DNAH10: variants seen among roughly 807,000 people sequenced by gnomAD.
The protein encoded by DNAH10 is axonemal beta dynein heavy chain 10.
A neutral mutation model predicts 506.6 loss-of-function variants in DNAH10; 348 were observed. The observed-to-expected ratio is 0.69, with a 90% CI of 0.63 to 0.75. The LOEUF (loss-of-function observed/expected upper bound fraction) is 0.75, where lower values mean the gene tolerates loss of function less well. Among genes scored for constraint, DNAH10 ranks in the 30% least tolerant of loss-of-function variants. The probability of loss-of-function intolerance (pLI) is 0.00; values close to 1 mark genes in which losing one functional copy is unlikely to be tolerated. For synonymous variants in DNAH10, 2,059 were observed against 2,198.6 expected (o/e 0.94, Z 1.78); for missense variants, 5,179 against 5,787.1 (o/e 0.89, Z 3.41).
At chr12:123,881,842 G>T in intron 51 of DNAH10, 29 bp downstream of exon 51, 2 of 1,444,088 alleles carry the variant, frequency 1.4e-6, no homozygotes, top group Admixed American at 3.2e-5. Context: ...CCAGAAATAG[G>T]TTTACGATGC....
chr12:123,778,695 CA>C (rs1232497421), intron 5 of DNAH10, among the ~76,000 whole-genome samples: 8 of 136,630 alleles, frequency 5.9e-5, no homozygotes, highest in East Asian at 4.2e-4. Context: ...GACTCCATCT[CA>C]AAAAAAAAAG....
Position 123,785,757 on chromosome 12 carries a change from CG to C in DNAH10, c.1245del (p.Ser416LeufsTer13). On this transcript the variant is annotated frameshift_variant, in exon 9 of 79. Coordinates refer to ENST00000673944, the MANE Select transcript of DNAH10 (RefSeq NM_001372106.1). LOFTEE classifies it high-confidence loss of function. The surrounding 1 kb of genome is among the most constrained non-coding windows in gnomAD (Gnocchi z 4.1). The stretch of plus-strand genomic sequence containing the variant: ...CCTCTCTTGGTCAGAACATAACGCA[CG>C]GGTCTGGCTTCCACGTGGTCCTGGA... Reference protein sequence around the residue: ...VERYFKNITHGSGFHVVLDTI... With the variant: ...VERYFKNITHXSGFHVVLDTI... The C allele has an allele frequency of 6.2e-7, 1 of 1,610,302 alleles. No individual in the cohort carries two copies. Among genetic ancestry groups the C allele is most frequent in the South Asian group, 1.1e-5 (1 of 90,828 alleles).
rs1959124469 is a variant in DNAH10 at position 123,815,784 on chromosome 12, A to G, written c.3780+1872A>G. Among the ~76,000 whole-genome samples, 4 of 152,240 alleles carry G rather than the reference A, an allele frequency of 2.6e-5. No homozygotes were observed. The South Asian group carries it at 8.3e-4, about 31-fold the overall frequency. ...ATGGAATGTACTTATACAAATCTAGATGATATAGCTACTACACACCTAGGC... is the reference window on the plus strand; with the variant it reads ...ATGGAATGTACTTATACAAATCTAGGTGATATAGCTACTACACACCTAGGC... On this transcript the variant is annotated intron_variant, in intron 21 of 78. Coordinates refer to ENST00000673944, the MANE Select transcript of DNAH10 (RefSeq NM_001372106.1).
intron 32 of DNAH10, among the ~76,000 whole-genome samples, chr12:123,847,210 C>A (rs1245714031): frequency 6.7e-6 from 1 of 148,500 alleles, no homozygotes; most frequent in Non-Finnish European, 1.5e-5. Context: ...ATCCATCCAT[C>A]CATCCTATTA....
At chr12:123,921,714 T>G (rs1223467352) in intron 65 of DNAH10, among the ~76,000 whole-genome samples, 5 of 127,536 alleles carry the variant, frequency 3.9e-5, no homozygotes, top group South Asian at 3.0e-4. Flanking sequence ...TTTTTTTTTT[T>G]TTTTTTTTTT....
At position 123,799,382 on chromosome 12, in the gene DNAH10, C is replaced by T. The variant is rs202077899; in HGVS notation, c.2289+11C>T. The T allele has an allele frequency of 1.1e-4, 177 of 1,607,264 alleles. No individual in the cohort carries two copies. The highest frequency in any genetic ancestry group is 1.7e-4 in the Middle Eastern group (1 of 5,980). ...AGCCTTTTGACCAAGGTGCGCTGCC[C>T]ACGCCCTCATTCCCGATTGCCGCGT... On this transcript the variant is annotated intron_variant, in intron 14 of 78. Transcript: ENST00000673944.
intron 52 of DNAH10, among the ~76,000 whole-genome samples, chr12:123,891,581 G>C (rs1280760909): frequency 6.6e-6 from 1 of 151,490 alleles, no homozygotes. Context: ...GGCGGAGCAC[G>C]GGGAGCGAGA....
rs762055217 is a variant in DNAH10, at chr12:123,803,728, T to G, written c.2682T>G (p.Ile894Met). The part of the protein sequence containing the change: ...IGKFESLVHQ[I>M]HKNADDISSR... Reference sequence around the variant, plus strand: ...AATTTGAGTCTCTCGTCCACCAGATTCATAAGAATGCAGATGACATTTCTT... The same window carrying G: ...AATTTGAGTCTCTCGTCCACCAGATGCATAAGAATGCAGATGACATTTCTT... The change falls in exon 17 of 79, where the codon ATT becomes ATG. Residue 894 changes from isoleucine to methionine, a missense_variant. Around this residue, in one of 3 missense-constraint regions of DNAH10, gnomAD observed 4,844 missense variants for 5,430.5 expected, o/e 0.89. Transcript: ENST00000673944. The G allele has an allele frequency of 6.2e-7, 1 of 1,612,074 alleles. No homozygotes were observed. The highest frequency in any genetic ancestry group is 1.1e-5 in the South Asian group (1 of 90,676).
chr12:123,894,391 G>T (rs553567229), intron 53 of DNAH10, among the ~76,000 whole-genome samples: 1 of 152,106 alleles, frequency 6.6e-6, no homozygotes, highest in Non-Finnish European at 1.5e-5. Flanking sequence ...TGAGTAGCTG[G>T]GATTACAGGT....
At position 123,931,709 on chromosome 12, in the gene DNAH10, C is replaced by T. The variant is rs1285693543; in HGVS notation, c.12990C>T (p.Pro4330=). 1.2e-6 allele frequency: 2 copies of T among 1,614,066 alleles called. No homozygotes were observed. The highest frequency in any genetic ancestry group is 1.7e-6 in the Non-Finnish European group (2 of 1,179,906). ...QVAKEIENKM[P]KVFDLDQVRK... ...CCAAAGAAATAGAAAACAAGATGCC[C>T]AAAGTCTTTGACTTGGACCAGGTGA... The change falls in exon 75 of 79, where the codon CCC becomes CCT. Residue 4330 remains proline, a synonymous_variant. Transcript: ENST00000673944.
rs531473539 is a variant in DNAH10 at position 123,875,134 on chromosome 12, G to A, written c.7939-97G>A. ...AAACCGAGGTGCCCTGGAGAGTAAC[G>A]GGAAAAATGAGCTTGAGCTGGGATG... On this transcript the variant is annotated intron_variant, in intron 46 of 78. Transcript: ENST00000673944. 39 of 1,410,942 alleles carry A rather than the reference G, an allele frequency of 2.8e-5. No individual in the cohort carries two copies. In the South Asian group the frequency reaches 3.0e-4, roughly 11 times the overall value. 87.4% of individuals were successfully genotyped at this position (1,410,942 alleles called of 1,614,324 possible).
intron 50 of DNAH10, among the ~76,000 whole-genome samples, chr12:123,880,026 C>T (rs1366709528): frequency 6.6e-6 from 1 of 152,242 alleles, no homozygotes; most frequent in Non-Finnish European, 1.5e-5. Flanking sequence ...ATTTGCTGCG[C>T]TGGGCCCATG....
chr12:123,796,668 A>G lies in DNAH10; in HGVS notation c.1999A>G (p.Asn667Asp), dbSNP rs763895126. 3 of 1,606,534 alleles carry G rather than the reference A, an allele frequency of 1.9e-6. No homozygotes were observed. Among genetic ancestry groups the G allele is most frequent in the Admixed American group, 1.7e-5 (1 of 58,602 alleles). The stretch of plus-strand genomic sequence containing the variant: ...GATTGCTTTTCAGATTGACATCATT[A>G]ATAAAATCTTTGTCCAGAACCTTGA... ...AQYCKEIDII[N>D]KIFVQNLENP... Residue 667 changes from asparagine to aspartate, a missense_variant, in exon 13 of 79, where the codon AAT (asparagine) becomes GAT (aspartate). By Grantham distance (23) the Asn-to-Asp change is conservative. Coordinates refer to ENST00000673944, the MANE Select transcript of DNAH10 (RefSeq NM_001372106.1).
intron 52 of DNAH10, among the ~76,000 whole-genome samples, chr12:123,891,779 G>A (rs184008074): frequency 3.3e-4 from 50 of 152,276 alleles, no homozygotes; most frequent in Non-Finnish European, 5.0e-4. Context: ...GCAGGACTCA[G>A]CATGTGGTCC....
intron 39 of DNAH10, among the ~76,000 whole-genome samples, chr12:123,862,236 A>T (rs1254741213): frequency 6.6e-6 from 1 of 152,182 alleles, no homozygotes; most frequent in Non-Finnish European, 1.5e-5. Context: ...ATAACTTATG[A>T]CTAAGTAAAT....
At position 123,909,676 on chromosome 12, in the gene DNAH10, C is replaced by T. The variant is rs555535870; in HGVS notation, c.9997+234C>T. On this transcript the variant is annotated intron_variant, in intron 58 of 78. Transcript: ENST00000673944. The surrounding 1 kb of genome is among the most constrained non-coding windows in gnomAD (Gnocchi z 5.4). ...GCGGCAGCCGTGCCCACTGAGGGTTCGATTCGGCACTAGTCCTAGCTCTCC... is the reference window on the plus strand; with the variant it reads ...GCGGCAGCCGTGCCCACTGAGGGTTTGATTCGGCACTAGTCCTAGCTCTCC... Among the ~76,000 whole-genome samples the T allele has an allele frequency of 2.0e-5, 3 of 152,316 alleles. No individual in the cohort carries two copies. The highest frequency in any genetic ancestry group is 2.1e-4 in the South Asian group (1 of 4,828).
chr12:123,864,067 A>G (rs139300432), intron 39 of DNAH10, among the ~76,000 whole-genome samples: 344 of 152,256 alleles, frequency 2.3e-3, no homozygotes, highest in Non-Finnish European at 3.5e-3. Context: ...CAGCTTGCCC[A>G]AGAAGTGAGA....
chr12:123,934,113 G>A, intron 77 of DNAH10: 1 of 615,748 alleles, frequency 1.6e-6, no homozygotes, highest in South Asian at 1.9e-5. Context: ...GGAGGTGGCA[G>A]GTGTCCGGGC....
At chr12:123,827,103 A>C (rs1960075685) in intron 25 of DNAH10, among the ~76,000 whole-genome samples, 1 of 146,560 alleles carries the variant, frequency 6.8e-6, no homozygotes, top group South Asian at 2.1e-4. Context: ...GATTCTTTTA[A>C]AAAAGAAAGA....
Sources: allele counts gnomAD v4.1 joint callset (sites outside exome capture counted in the v4.1 genomes callset), GRCh38; gene constraint gnomAD v4.1.1; regional missense constraint gnomAD v4.1.1; non-coding constraint Gnocchi (gnomAD v3.1); transcripts MANE v1.5; gene names NCBI Gene and HGNC (gene_info 2026-07-23, HGNC 2026-07-21).